The following LTF variants were observed in gnomAD, a reference collection of about 807,000 sequenced individuals.
LTF encodes the protein lactotransferrin.
Under a neutral mutation model 87.2 loss-of-function variants are expected in LTF, and 91 were observed. The observed-to-expected ratio is 1.04, with a 90% CI of 0.88 to 1.24. LTF has a LOEUF of 1.24. LTF is among the 50% of genes most tolerant of loss of function. LTF has a pLI of 0.00. For missense variants in LTF, 901 were observed against 904.3 expected (o/e 1.00, Z 0.05); for synonymous variants, 378 against 356.1 (o/e 1.06, Z -0.69).
At chr3:46,462,517 C>T (rs1035533581) in intron 1 of LTF, among the ~76,000 whole-genome samples, 1 of 152,210 alleles carries the variant, frequency 6.6e-6, no homozygotes, top group African/African-American at 2.4e-5. Flanking sequence ...AACTCCCCTA[C>T]TCTTACCACT....
intron 6 of LTF, 129 bp downstream of exon 6, chr3:46,454,176 A>G (rs1323775426): frequency 1.2e-6 from 1 of 805,862 alleles, no homozygotes; most frequent in Non-Finnish European, 2.2e-6. Context: ...ATAAAATCAG[A>G]GCTGTGCCCT....
At chr3:46,462,945 C>T (rs1703121758) in intron 1 of LTF, among the ~76,000 whole-genome samples, 1 of 152,068 alleles carries the variant, frequency 6.6e-6, no homozygotes, top group South Asian at 2.1e-4. Context: ...CATTTCTTCC[C>T]CTAAGAGGAG....
At chr3:46,442,498 GAA>G (rs533327223) in intron 13 of LTF, among the ~76,000 whole-genome samples, 7 of 137,876 alleles carry the variant, frequency 5.1e-5, no homozygotes, top group Admixed American at 7.2e-5. Context: ...CTGCAGGTCT[GAA>G]AAAAAAAAAA....
chr3:46,482,659 A>AAGGAAG (rs1703458846), intron 1 of LTF, among the ~76,000 whole-genome samples: 9 of 60,264 alleles, frequency 1.5e-4, no homozygotes, highest in African/African-American at 5.2e-4. Flanking sequence ...AAAGAAAGAA[A>AAGGAAG]GAAGGAAGGA....
Position 46,435,991 on chromosome 3 carries a change from T to A in LTF, c.*204A>T, listed in dbSNP as rs939247331. 1.7e-6 allele frequency: 1 copy of A among 591,088 alleles called. No homozygotes were observed. Among genetic ancestry groups the A allele is most frequent in the Non-Finnish European group, 3.0e-6 (1 of 331,114 alleles). The allele number at this position is 591,088 out of a possible 1,614,324, so 36.6% of individuals were successfully genotyped here. A position where few individuals can be genotyped will look rare whatever the true frequency, so the allele number is the denominator to read the frequency against. ...TTTCAGTATAAAATTCTAGAAAAGA[T>A]GAGTGACACTTTATAAGGAGAGAAT... On this transcript the variant is annotated 3_prime_UTR_variant, in exon 17 of 17. Coordinates refer to ENST00000231751, the MANE Select transcript of LTF (RefSeq NM_002343.6).
At position 46,464,829 on chromosome 3, in the gene LTF, G is replaced by T; in HGVS notation, c.39C>A (p.Ala13=). The change falls in exon 1 of 17, where the codon GCC becomes GCA. Residue 13 remains alanine, a synonymous_variant. Coordinates refer to ENST00000231751, the MANE Select transcript of LTF (RefSeq NM_002343.6). The part of the protein sequence containing the change: ...LVFLVLLFLG[A]LGLCLAGRRR... The stretch of plus-strand genomic sequence containing the variant: ...CCCCCAGGCACCTGCACTCACCGAG[G>T]GCCCCGAGGAACAGCAGGACGAGGA... 6.2e-7 allele frequency: 1 copy of T among 1,613,916 alleles called. No individual in the cohort carries two copies. Among genetic ancestry groups the T allele is most frequent in the Non-Finnish European group, 8.5e-7 (1 of 1,179,990 alleles).
intron 1 of LTF, among the ~76,000 whole-genome samples, chr3:46,484,481 C>A (rs952975676): frequency 2.0e-5 from 3 of 152,148 alleles, no homozygotes; most frequent in African/African-American, 7.2e-5. Flanking sequence ...AGCGTCAGGC[C>A]TTAGGGGCTG....
At chr3:46,446,275 G>A (rs942108795) in intron 11 of LTF, among the ~76,000 whole-genome samples, 165 bp downstream of exon 11, 24 of 151,996 alleles carry the variant, frequency 1.6e-4, no homozygotes, top group African/African-American at 5.8e-4. Context: ...ACATTAATTA[G>A]AACTATTCCT....
In LTF at chr3:46,459,682, G is replaced by T; in HGVS notation, c.181C>A (p.Pro61Thr). ...PPVSCIKRDSPIQCIQAIAEN... is the reference protein window; with the variant it reads ...PPVSCIKRDSTIQCIQAIAEN... ...GCAATGGCCTGGATACACTGGATGGGGGAGTCTCTCTTTATGCAGCTGACA... is the reference window on the plus strand; with the variant it reads ...GCAATGGCCTGGATACACTGGATGGTGGAGTCTCTCTTTATGCAGCTGACA... The change falls in exon 2 of 17, where the codon CCC (proline) becomes ACC (threonine). Residue 61 changes from proline (P) to threonine (T), a missense_variant. By Grantham distance (38) the Pro-to-Thr change is conservative (BLOSUM62 -1). Transcript: ENST00000231751. 1 of 1,554,438 alleles carries T rather than the reference G, an allele frequency of 6.4e-7. No individual in the cohort carries two copies. The highest frequency in any genetic ancestry group is 2.5e-5 in the East Asian group (1 of 39,280).
intron 1 of LTF, among the ~76,000 whole-genome samples, chr3:46,478,088 T>A (rs1703384603): frequency 6.6e-6 from 1 of 152,220 alleles, no homozygotes; most frequent in South Asian, 2.1e-4. Flanking sequence ...GCCCACATTC[T>A]GTCCTGTTAT....
chr3:46,461,087 A>C (rs1381598009), intron 1 of LTF, among the ~76,000 whole-genome samples: 31 of 152,260 alleles, frequency 2.0e-4, no homozygotes, highest in Admixed American at 2.0e-3. Flanking sequence ...AAAAATGCAA[A>C]TTGAAAATGC....
chr3:46,446,503 T>C lies in LTF; in HGVS notation c.1304-10A>G. 2 of 1,612,960 alleles carry C rather than the reference T, an allele frequency of 1.2e-6. No homozygotes were observed. The highest frequency in any genetic ancestry group is 8.5e-7 in the Non-Finnish European group (1 of 1,179,110). On this transcript the variant is annotated splice_polypyrimidine_tract_variant and intron_variant, in intron 10 of 16. Transcript: ENST00000231751. ...CTGCTTTGTTGGGATTCTGAAAGAA[T>C]AAAGACAAGCCAGACATCATTATCC...
rs537019275 is a variant in LTF, at chr3:46,471,123, T to C, written c.-319-657A>G. Among the ~76,000 whole-genome samples the C allele has an allele frequency of 2.0e-5, 3 of 152,072 alleles. No homozygotes were observed. The East Asian group carries it at 5.8e-4, about 29-fold the overall frequency. The stretch of plus-strand genomic sequence containing the variant: ...CAGAGGCTGCGGGGAGTTTTGAGAG[T>C]GGAGGAGAGAGTGGCAGAGTCTGTT... On this transcript the variant is annotated intron_variant, in intron 1 of 19. Transcript: ENST00000443496.
chr3:46,453,599 T>C (rs1191260580), intron 6 of LTF, among the ~76,000 whole-genome samples: 1 of 152,210 alleles, frequency 6.6e-6, no homozygotes, highest in Non-Finnish European at 1.5e-5. Context: ...CTAGTGGCCC[T>C]GGGTGGAATA....
At chr3:46,459,900 G>C in intron 1 of LTF, 81 bp from the exon 2 acceptor site, 1 of 1,033,454 alleles carries the variant, frequency 9.7e-7, no homozygotes, top group Non-Finnish European at 1.3e-6. Context: ...GAGTTTTCCA[G>C]ACTCCTCCCT....
chr3:46,472,637 C>G (rs1050946528), intron 1 of LTF, among the ~76,000 whole-genome samples: 2 of 151,586 alleles, frequency 1.3e-5, no homozygotes, highest in Admixed American at 1.3e-4. Context: ...CTCAAGAGAT[C>G]CTCTTGAAGT....
intron 6 of LTF, among the ~76,000 whole-genome samples, chr3:46,453,635 G>T (rs576136490): frequency 6.6e-6 from 1 of 152,262 alleles, no homozygotes; most frequent in African/African-American, 2.4e-5. Context: ...TATTGGTCTT[G>T]CATGAAATGT....
intron 1 of LTF, among the ~76,000 whole-genome samples, chr3:46,463,949 C>A (rs1703149764): frequency 6.6e-6 from 1 of 152,210 alleles, no homozygotes; most frequent in East Asian, 1.9e-4. Flanking sequence ...CAGGAAGCTC[C>A]CAGCCTTAGG....
intron 2 of LTF, among the ~76,000 whole-genome samples, chr3:46,458,854 G>A (rs1273280936): frequency 2.6e-5 from 4 of 152,248 alleles, no homozygotes; most frequent in Middle Eastern, 3.2e-3. Flanking sequence ...AATTACGGGC[G>A]TGAGCCACCG....
Sources: allele counts gnomAD v4.1 joint callset (sites outside exome capture counted in the v4.1 genomes callset), GRCh38; gene constraint gnomAD v4.1.1; transcripts MANE v1.5; gene names NCBI Gene and HGNC (gene_info 2026-07-23, HGNC 2026-07-21).